Variants in PRKD3 observed in about 807,000 individuals in gnomAD.
PRKD3 encodes serine/threonine-protein kinase D3.
A neutral mutation model predicts 99.2 loss-of-function variants in PRKD3; 47 were observed. The observed-to-expected ratio is 0.47, with a 90% CI of 0.38 to 0.60. The LOEUF (loss-of-function observed/expected upper bound fraction) is 0.60, where lower values mean the gene tolerates loss of function less well. Among genes scored for constraint, PRKD3 ranks in the 20% least tolerant of loss-of-function variants. The pLI, the probability that PRKD3 is intolerant of heterozygous loss-of-function variation, is 0.00. For synonymous variants in PRKD3, 392 were observed against 355.4 expected (o/e 1.10, Z -1.16); for missense variants, 1,019 against 1,088.4 (o/e 0.94, Z 0.90).
chr2:37,308,456 GCT>G (rs924772123), intron 2 of PRKD3, among the ~76,000 whole-genome samples: 11 of 152,060 alleles, frequency 7.2e-5, no homozygotes, highest in African/African-American at 2.7e-4. Flanking sequence ...ACAGAGTTTT[GCT>G]CTTTCCCTCA....
At chr2:37,319,952 G>A (rs1671809602) in intron 1 of PRKD3, among the ~76,000 whole-genome samples, 1 of 152,206 alleles carries the variant, frequency 6.6e-6, no homozygotes, top group African/African-American at 2.4e-5. Flanking sequence ...CTCACAGGTT[G>A]CAAGGATTGA....
chr2:37,314,672 A>G (rs1389369690), intron 2 of PRKD3, among the ~76,000 whole-genome samples: 1 of 148,850 alleles, frequency 6.7e-6, no homozygotes, highest in African/African-American at 2.4e-5. Flanking sequence ...CAAAGATTGA[A>G]AACTAAATCA....
chr2:37,305,712 G>A (rs1381186847), intron 2 of PRKD3, among the ~76,000 whole-genome samples: 1 of 152,148 alleles, frequency 6.6e-6, no homozygotes, highest in East Asian at 1.9e-4. Flanking sequence ...CAAAAGGCAA[G>A]AGCAAACCAA....
intron 1 of PRKD3, among the ~76,000 whole-genome samples, chr2:37,318,511 A>G (rs975472056): frequency 6.6e-5 from 10 of 152,196 alleles, no homozygotes; most frequent in African/African-American, 9.6e-5. Flanking sequence ...TCTCCACAAG[A>G]ACACACTATT....
intron 2 of PRKD3, among the ~76,000 whole-genome samples, chr2:37,306,618 G>C (rs1671179944): frequency 6.6e-6 from 1 of 152,102 alleles, no homozygotes; most frequent in South Asian, 2.1e-4. Flanking sequence ...AGACCAGCCT[G>C]GGCAACATGG....
chr2:37,259,744 C>T (rs1668262440), intron 15 of PRKD3, 63 bp from the exon 16 acceptor site: 1 of 1,123,122 alleles, frequency 8.9e-7, no homozygotes, highest in Admixed American at 1.9e-5. Context: ...TCATGTGACT[C>T]CTTGAATGAT....
rs193113922 is a variant in PRKD3 at position 37,293,535 on chromosome 2, T to C, written c.289-264A>G. ...GTCTCTTACAAATACAGGATTTCTA[T>C]ATTCAGTTACTGATGGAGAATATAA... On this transcript the variant is annotated intron_variant, in intron 2 of 18. Transcript: ENST00000234179. Among the ~76,000 whole-genome samples, 55 of 152,356 alleles carry C rather than the reference T, an allele frequency of 3.6e-4. 1 individual carries two copies. The East Asian group carries it at 9.0e-3, about 25-fold the overall frequency.
chr2:37,290,504 G>T (rs1670359252), intron 4 of PRKD3, among the ~76,000 whole-genome samples: 2 of 152,140 alleles, frequency 1.3e-5, no homozygotes, highest in South Asian at 4.1e-4. Context: ...AAAGTGCTAG[G>T]ATTACAGGTG....
At chr2:37,313,595 C>T (rs1671536787) in intron 2 of PRKD3, among the ~76,000 whole-genome samples, 1 of 152,128 alleles carries the variant, frequency 6.6e-6, no homozygotes, top group Non-Finnish European at 1.5e-5. Context: ...CTAAAAAAAT[C>T]CTACTTTACA....
chr2:37,277,366 A>C (rs576292307), intron 9 of PRKD3, among the ~76,000 whole-genome samples: 35 of 152,296 alleles, frequency 2.3e-4, no homozygotes, highest in Admixed American at 8.5e-4. Context: ...GTCTAGCTCC[A>C]AAGTCTGTGT....
At position 37,252,863 on chromosome 2, in the gene PRKD3, A is replaced by ATATATG. The variant is rs1553362996; in HGVS notation, c.*313_*314insCATATA. 2 of 149,308 alleles carry ATATATG rather than the reference A, an allele frequency of 1.3e-5. No individual in the cohort carries two copies. The highest frequency in any genetic ancestry group is 3.0e-5 in the Non-Finnish European group (2 of 67,696). The allele number at this position is 149,308 out of a possible 1,614,324, so 9.2% of individuals were successfully genotyped here. A position where few individuals can be genotyped will look rare whatever the true frequency, so the allele number is the denominator to read the frequency against. The stretch of plus-strand genomic sequence containing the variant: ...TATTTATATTTATATATATATATAT[A>ATATATG]AAGAGAAATGGGAAGACAAATTAAG... On this transcript the variant is annotated 3_prime_UTR_variant, in exon 19 of 19. Transcript: ENST00000234179.
chr2:37,299,621 T>A (rs535159248), intron 2 of PRKD3, among the ~76,000 whole-genome samples: 8 of 150,606 alleles, frequency 5.3e-5, no homozygotes, highest in African/African-American at 1.7e-4. Flanking sequence ...GAGAAAATAT[T>A]TGCAAACTAT....
At chr2:37,269,836 G>C (rs951357252) in intron 12 of PRKD3, 149 bp from the exon 13 acceptor site, 1 of 620,820 alleles carries the variant, frequency 1.6e-6, no homozygotes, top group Non-Finnish European at 2.7e-6. Context: ...GAAAACACAG[G>C]CTTTCTATGT....
intron 5 of PRKD3, 70 bp from the exon 6 acceptor site, chr2:37,286,439 C>T (rs1670099644): frequency 7.8e-7 from 1 of 1,289,628 alleles, no homozygotes; most frequent in Admixed American, 2.2e-5. Context: ...AGAGCTTAAC[C>T]ACAAGAATCA....
At chr2:37,282,379 T>C in intron 7 of PRKD3, 163 bp downstream of exon 7, 5 of 581,044 alleles carry the variant, frequency 8.6e-6, no homozygotes, top group South Asian at 4.8e-5. Flanking sequence ...TACTAATAAA[T>C]GTATACTGTC....
intron 3 of PRKD3, among the ~76,000 whole-genome samples, chr2:37,292,493 A>G (rs1324321518): frequency 5.3e-5 from 8 of 151,798 alleles, no homozygotes; most frequent in African/African-American, 9.7e-5. Context: ...CTAGGCGCCC[A>G]CCACCACGCC....
At chr2:37,276,189 A>G (rs1191098308) in intron 9 of PRKD3, among the ~76,000 whole-genome samples, 1 of 152,148 alleles carries the variant, frequency 6.6e-6, no homozygotes, top group African/African-American at 2.4e-5. Flanking sequence ...CTATATTTCT[A>G]GAAGTTGATT....
In PRKD3 at chr2:37,251,336, G is replaced by C. The variant is rs1049696433; in HGVS notation, c.*1841C>G. On this transcript the variant is annotated 3_prime_UTR_variant, in exon 19 of 19. Transcript: ENST00000234179. ...TAATGGTTGGGAGGGCTAAGGGTAA[G>C]ATTAGAGCCATACTACTGGTCTCAA... 2 of 152,570 alleles carry C rather than the reference G, an allele frequency of 1.3e-5. No homozygotes were observed. Among genetic ancestry groups the C allele is most frequent in the African/African-American group, 4.8e-5 (2 of 41,436 alleles). The allele number at this position is 152,570 out of a possible 1,614,324, so 9.5% of individuals were successfully genotyped here. A position where few individuals can be genotyped will look rare whatever the true frequency, so the allele number is the denominator to read the frequency against.
chr2:37,278,101 T>A (rs1456971149), intron 8 of PRKD3, 112 bp from the exon 9 acceptor site: 4 of 824,854 alleles, frequency 4.8e-6, no homozygotes, highest in South Asian at 2.9e-5. Context: ...TTTCAAAATA[T>A]CTTAGTAAAA....
Sources: allele counts gnomAD v4.1 joint callset (sites outside exome capture counted in the v4.1 genomes callset), GRCh38; gene constraint gnomAD v4.1.1; transcripts MANE v1.5; gene names NCBI Gene and HGNC (gene_info 2026-07-23, HGNC 2026-07-21).